GPC5: variants seen among roughly 807,000 people sequenced by gnomAD.
GPC5 encodes the protein glypican-5.
GPC5 carries 47 observed loss-of-function variants against 53.9 expected under a neutral mutation model. That is an observed-to-expected ratio of 0.87 (90% CI 0.69 to 1.11). The LOEUF is 1.11. Among genes scored for constraint, GPC5 ranks in the 50% most tolerant of loss-of-function variants. The probability of loss-of-function intolerance (pLI) is 0.00; values close to 1 mark genes in which losing one functional copy is unlikely to be tolerated. For missense variants in GPC5, 748 were observed against 713.1 expected (o/e 1.05, Z -0.56); for synonymous variants, 286 against 263.3 (o/e 1.09, Z -0.84).
intron 7 of GPC5, among the ~76,000 whole-genome samples, chr13:92,335,643 T>G (rs1489402841): frequency 6.6e-6 from 1 of 152,168 alleles, no homozygotes; most frequent in East Asian, 1.9e-4. Context: ...AATGCTTTGT[T>G]GCTTAGAAAT....
intron 5 of GPC5, among the ~76,000 whole-genome samples, chr13:91,900,662 T>A (rs1185091461): frequency 1.3e-5 from 2 of 152,118 alleles, no homozygotes; most frequent in Non-Finnish European, 2.9e-5. Flanking sequence ...ATAAAAAACG[T>A]ATTTATCCTT....
At chr13:92,128,649 TTGCAGGCA>T (rs1199873541) in intron 6 of GPC5, among the ~76,000 whole-genome samples, 1 of 152,198 alleles carries the variant, frequency 6.6e-6, no homozygotes, top group Non-Finnish European at 1.5e-5. Context: ...GTTGGACCAA[TTGCAGGCA>T]TGCTTTTAAT....
At chr13:92,297,236 C>A (rs1312980559) in intron 7 of GPC5, among the ~76,000 whole-genome samples, 1 of 152,186 alleles carries the variant, frequency 6.6e-6, no homozygotes, top group East Asian at 1.9e-4. Context: ...CCAATCGACA[C>A]TCTGTACCTA....
chr13:91,468,891 T>TTA (rs56658949), intron 2 of GPC5, among the ~76,000 whole-genome samples: 4 of 147,656 alleles, frequency 2.7e-5, no homozygotes, highest in Admixed American at 6.7e-5. Flanking sequence ...TTTTTTTTTT[T>TTA]AAATGAGACA....
At chr13:92,693,882 C>T (rs966885368) in intron 7 of GPC5, among the ~76,000 whole-genome samples, 4 of 152,178 alleles carry the variant, frequency 2.6e-5, no homozygotes, top group Non-Finnish European at 4.4e-5. Flanking sequence ...GAGATCTTCA[C>T]GACAGCCCCT....
intron 6 of GPC5, among the ~76,000 whole-genome samples, chr13:91,938,090 T>C (rs1040321911): frequency 6.6e-6 from 1 of 152,074 alleles, no homozygotes; most frequent in Non-Finnish European, 1.5e-5. Context: ...CAGAGATCTA[T>C]ACTAAGTGTG....
intron 2 of GPC5, among the ~76,000 whole-genome samples, chr13:91,632,744 C>T (rs1197684547): frequency 6.6e-6 from 1 of 152,128 alleles, no homozygotes; most frequent in Non-Finnish European, 1.5e-5. Flanking sequence ...GAAATGCTGC[C>T]TAACTTCTAA....
chr13:92,707,479 A>G (rs1157891078), intron 7 of GPC5, among the ~76,000 whole-genome samples: 1 of 152,200 alleles, frequency 6.6e-6, no homozygotes, highest in East Asian at 2.0e-4. Context: ...CTGATGGCCA[A>G]CAGGACAAAA....
chr13:91,617,924 A>G (rs1344038426), intron 2 of GPC5, among the ~76,000 whole-genome samples: 1 of 152,146 alleles, frequency 6.6e-6, no homozygotes, highest in Non-Finnish European at 1.5e-5. Context: ...CTGATTTCCA[A>G]TAAAACTTTA....
Position 91,656,918 on chromosome 13 carries a change from C to T in GPC5, c.326-36269C>T, listed in dbSNP as rs77256519. Among the ~76,000 whole-genome samples the T allele has an allele frequency of 6.9e-3, 1,052 of 152,138 alleles. 6 individuals are homozygous for T. Among genetic ancestry groups the T allele is most frequent in the African/African-American group, 0.023 (969 of 41,510 alleles). On this transcript the variant is annotated intron_variant, in intron 2 of 7. Transcript: ENST00000377067. ...TGGGTGCTGGTGATAAAAGGCTAAA[C>T]GATGAAGGCTGGCAATACAGTTTAG...
chr13:91,643,793 C>G (rs1159389439), intron 2 of GPC5, among the ~76,000 whole-genome samples: 1 of 152,044 alleles, frequency 6.6e-6, no homozygotes, highest in Non-Finnish European at 1.5e-5. Context: ...GTCCAAATTC[C>G]CCTTGTTTTT....
chr13:91,506,566 A>G (rs1884955321), intron 2 of GPC5, among the ~76,000 whole-genome samples: 1 of 152,202 alleles, frequency 6.6e-6, no homozygotes, highest in Non-Finnish European at 1.5e-5. Context: ...CTTTGAGTTT[A>G]TGGATAATAC....
Position 91,778,410 on chromosome 13 carries a change from C to A in GPC5, c.1280+21990C>A, listed in dbSNP as rs1407521757. Reference sequence around the variant, plus strand: ...AATGGTTATAAGTTTCGTGTCCTGACAAATAATTTCCAGGGCTTTTCCTCC... The same window carrying A: ...AATGGTTATAAGTTTCGTGTCCTGAAAAATAATTTCCAGGGCTTTTCCTCC... On this transcript the variant is annotated intron_variant, in intron 5 of 7. Coordinates refer to ENST00000377067, the MANE Select transcript of GPC5 (RefSeq NM_004466.6). Among the ~76,000 whole-genome samples, 7 of 152,290 alleles carry A rather than the reference C, an allele frequency of 4.6e-5. No homozygotes were observed. The East Asian group carries it at 1.4e-3, about 29-fold the overall frequency.
intron 6 of GPC5, among the ~76,000 whole-genome samples, chr13:92,096,175 C>G (rs544105529): frequency 6.6e-6 from 1 of 152,308 alleles, no homozygotes; most frequent in African/African-American, 2.4e-5. Context: ...TGACATACAG[C>G]TTTGGAGCAC....
chr13:92,164,174 A>G (rs2042010710), intron 7 of GPC5, among the ~76,000 whole-genome samples: 1 of 152,028 alleles, frequency 6.6e-6, no homozygotes, highest in African/African-American at 2.4e-5. Context: ...CCCTTCCCAA[A>G]TCTCATGTCC....
At chr13:91,652,976 C>T (rs952874704) in intron 2 of GPC5, among the ~76,000 whole-genome samples, 7 of 152,162 alleles carry the variant, frequency 4.6e-5, no homozygotes, top group East Asian at 1.9e-4. Flanking sequence ...TGCTGATCAA[C>T]GTATAACCTG....
chr13:92,520,469 T>C (rs976306071), intron 7 of GPC5, among the ~76,000 whole-genome samples: 3 of 152,064 alleles, frequency 2.0e-5, no homozygotes, highest in Non-Finnish European at 4.4e-5. Context: ...TGCAAGCTGC[T>C]TCAACATACA....
chr13:92,767,527 C>G (rs74875391), intron 7 of GPC5, among the ~76,000 whole-genome samples: 3,930 of 152,280 alleles, frequency 0.026, 69 homozygotes, highest in Non-Finnish European at 0.04. Context: ...CTTTCTTTCA[C>G]TTTCTTTTCG....
chr13:92,379,936 A>G (rs1594148079), intron 7 of GPC5, among the ~76,000 whole-genome samples: 1 of 152,194 alleles, frequency 6.6e-6, no homozygotes, highest in East Asian at 1.9e-4. Context: ...TTTGCATACC[A>G]GAAAGATGGC....
Sources: gnomAD v4.1 joint callset for allele counts (sites outside exome capture counted in the v4.1 genomes callset) on GRCh38, gnomAD v4.1.1 for gene constraint, MANE v1.5 for transcripts, NCBI Gene and HGNC (gene_info 2026-07-23, HGNC 2026-07-21) for gene names.